Variants in CD163L1 observed in about 807,000 individuals in gnomAD.
CD163L1 encodes the protein CD163 molecule like 1.
Under a neutral mutation model 165.4 loss-of-function variants are expected in CD163L1, and 124 were observed. The observed-to-expected ratio is 0.75, with a 90% CI of 0.65 to 0.87. The LOEUF (loss-of-function observed/expected upper bound fraction) is 0.87. Among genes scored for constraint, CD163L1 ranks in the 40% least tolerant of loss-of-function variants. The pLI, the probability that CD163L1 is intolerant of heterozygous loss-of-function variation, is 0.00. For missense variants in CD163L1, 1,525 were observed against 1,799.9 expected (o/e 0.85, Z 2.76); for synonymous variants, 585 against 662.2 (o/e 0.88, Z 1.79).
At chr12:7,442,462 C>T (rs1212141823) in intron 1 of CD163L1, among the ~76,000 whole-genome samples, 1 of 152,100 alleles carries the variant, frequency 6.6e-6, no homozygotes, top group African/African-American at 2.4e-5. Context: ...AAGAAGTAAT[C>T]CCAAGTGAGT....
chr12:7,342,114 GC>G (rs932775587), downstream of CD163L1, among the ~76,000 whole-genome samples: 5 of 152,048 alleles, frequency 3.3e-5, no homozygotes, highest in Non-Finnish European at 7.4e-5. Flanking sequence ...TTGGGAACAG[GC>G]CCCCCAAAAT....
intron 2 of CD163L1, chr12:7,439,790 T>A: frequency 6.2e-7 from 1 of 1,613,832 alleles, no homozygotes; most frequent in Non-Finnish European, 8.5e-7. Flanking sequence ...TCGATCTTTA[T>A]GTCCAGGATC....
At chr12:7,431,989 G>A (rs1948636758) in intron 4 of CD163L1, among the ~76,000 whole-genome samples, 1 of 152,114 alleles carries the variant, frequency 6.6e-6, no homozygotes, top group South Asian at 2.1e-4. Flanking sequence ...AATTGCCAAA[G>A]GAAAGAGGGC....
At chr12:7,331,533 C>T in the CD163L1 span, among the ~76,000 whole-genome samples, 13 of 152,218 alleles carry the variant, frequency 8.5e-5, no homozygotes, top group East Asian at 3.9e-4. Flanking sequence ...AGGCACCCCC[C>T]AGTAGGGGCG....
At chr12:7,441,524 G>A (rs1275850074) in intron 1 of CD163L1, among the ~76,000 whole-genome samples, 1 of 152,176 alleles carries the variant, frequency 6.6e-6, no homozygotes, top group Non-Finnish European at 1.5e-5. Flanking sequence ...TTTTGTGGCT[G>A]TTTGGGGTAA....
intron 8 of CD163L1, among the ~76,000 whole-genome samples, chr12:7,380,397 A>G (rs778387408): frequency 4.1e-5 from 6 of 144,612 alleles, no homozygotes; most frequent in Admixed American, 1.4e-4. Flanking sequence ...ATATGCGTAT[A>G]CACACATGTA....
At chr12:7,355,678 G>A (rs1946759562) in intron 19 of CD163L1, among the ~76,000 whole-genome samples, 1 of 152,086 alleles carries the variant, frequency 6.6e-6, no homozygotes. Flanking sequence ...TTGAAGATTG[G>A]ACCTTCAAAG....
In CD163L1 at chr12:7,421,344, AATGTATATATATGTGTATAT is replaced by A. The variant is rs1454988351; in HGVS notation, c.766+11052_766+11071del. Reference sequence around the variant, plus strand: ...GATATATATGTATATATATCTTCCAAATGTATATATATGTGTATATATGTATATATACATTTGGAAGATAT... The same window carrying A: ...GATATATATGTATATATATCTTCCAAATGTATATATACATTTGGAAGATAT... On this transcript the variant is annotated intron_variant, in intron 4 of 19. Coordinates refer to ENST00000313599, the MANE Select transcript of CD163L1 (RefSeq NM_174941.6). Among the ~76,000 whole-genome samples the A allele has an allele frequency of 2.4e-4, 22 of 92,572 alleles. 1 individual carries two copies. Among genetic ancestry groups the A allele is most frequent in the East Asian group, 1.1e-3 (3 of 2,856 alleles). The allele number at this position is 92,572 out of a possible 152,430, so 60.7% of individuals were successfully genotyped here.
At chr12:7,370,785 A>G (rs1947129286) in intron 14 of CD163L1, among the ~76,000 whole-genome samples, 1 of 152,154 alleles carries the variant, frequency 6.6e-6, no homozygotes, top group Admixed American at 6.6e-5. Flanking sequence ...CCTGCTCATT[A>G]ATAAATACTT....
At chr12:7,320,814 C>A in the CD163L1 span, 2 of 1,599,130 alleles carry the variant, frequency 1.3e-6, no homozygotes, top group Non-Finnish European at 1.7e-6. Context: ...GGTACTTGGG[C>A]AGAAATCTCC....
intron 4 of CD163L1, among the ~76,000 whole-genome samples, chr12:7,414,682 T>C (rs1948202028): frequency 6.6e-6 from 1 of 151,954 alleles, no homozygotes; most frequent in African/African-American, 2.4e-5. Context: ...CAAAAGTCAA[T>C]GACAAAGAGA....
intron 4 of CD163L1, among the ~76,000 whole-genome samples, chr12:7,421,583 ATATACATATACATATATG>A (rs1358203700): frequency 2.4e-5 from 3 of 124,636 alleles, no homozygotes; most frequent in Non-Finnish European, 4.8e-5. Flanking sequence ...ACATGTACAT[ATATACATATACATATATG>A]TACACATATA....
the CD163L1 span, among the ~76,000 whole-genome samples, chr12:7,329,493 C>T: frequency 6.6e-6 from 1 of 151,760 alleles, no homozygotes; most frequent in Admixed American, 6.6e-5. Flanking sequence ...GTAAAAATAA[C>T]ATTTGAAAAC....
At chr12:7,406,970 T>A in intron 4 of CD163L1, 118 bp from the exon 5 acceptor site, 1 of 916,012 alleles carries the variant, frequency 1.1e-6, no homozygotes. Flanking sequence ...AATGAATGTC[T>A]AACTCTTGCT....
At chr12:7,426,247 C>G (rs1463215133) in intron 4 of CD163L1, among the ~76,000 whole-genome samples, 4 of 151,954 alleles carry the variant, frequency 2.6e-5, no homozygotes, top group Non-Finnish European at 5.9e-5. Flanking sequence ...ACAATGAGAA[C>G]AGATGAACGC....
intron 2 of CD163L1, among the ~76,000 whole-genome samples, chr12:7,437,738 G>T (rs916612722): frequency 1.5e-4 from 22 of 149,970 alleles, no homozygotes; most frequent in African/African-American, 5.2e-4. Context: ...GTGGCTTCAG[G>T]GAATCACCCT....
intron 19 of CD163L1, among the ~76,000 whole-genome samples, chr12:7,355,491 T>A (rs1340855518): frequency 6.6e-6 from 1 of 152,074 alleles, no homozygotes; most frequent in Non-Finnish European, 1.5e-5. Context: ...CTTTCAAAAG[T>A]TTTTAGTATG....
rs958596836 is a variant in CD163L1, at chr12:7,398,788, C to T, written c.1409-204G>A. 3.9e-5 allele frequency among the ~76,000 whole-genome samples: 6 copies of T among 152,082 alleles called. No individual in the cohort carries two copies. The highest frequency in any genetic ancestry group is 9.7e-5 in the African/African-American group (4 of 41,392). On this transcript the variant is annotated intron_variant, in intron 6 of 19. Coordinates refer to ENST00000313599, the MANE Select transcript of CD163L1 (RefSeq NM_174941.6). The surrounding 1 kb of genome is among the most constrained non-coding windows in gnomAD (Gnocchi z 4.5). The stretch of plus-strand genomic sequence containing the variant: ...GAGAAGGTGTCTCTAAAGCATGAAA[C>T]GACGACAGCAAATTTACTGAAGTAA...
At chr12:7,436,155 G>A (rs991187034) in intron 2 of CD163L1, among the ~76,000 whole-genome samples, 3 of 152,102 alleles carry the variant, frequency 2.0e-5, no homozygotes, top group African/African-American at 7.2e-5. Flanking sequence ...GAAAAAAATG[G>A]TTGATAAAAA....
Sources: gnomAD v4.1 joint callset for allele counts (sites outside exome capture counted in the v4.1 genomes callset) on GRCh38, gnomAD v4.1.1 for gene constraint, Gnocchi (gnomAD v3.1) non-coding constraint, MANE v1.5 for transcripts, NCBI Gene and HGNC (gene_info 2026-07-23, HGNC 2026-07-21) for gene names.